ICAM1: variants seen among roughly 807,000 people sequenced by gnomAD.
ICAM1 encodes ICAM-1.
In ICAM1, 28 loss-of-function variants were observed where a neutral mutation model predicts 42.3. The ratio of observed to expected loss-of-function variants is 0.66; its 90% confidence interval spans 0.49 to 0.91. The LOEUF (loss-of-function observed/expected upper bound fraction) is 0.91, where lower values mean the gene tolerates loss of function less well. Among genes scored for constraint, ICAM1 ranks in the 40% least tolerant of loss-of-function variants. The pLI is 0.00. For missense variants in ICAM1, 637 were observed against 688.6 expected, an observed-to-expected ratio of 0.93 and a Z score of 0.84; for synonymous variants, 304 against 305.9, an observed-to-expected ratio of 0.99 and a Z score of 0.07.
intron 2 of ICAM1, among the ~76,000 whole-genome samples, chr19:10,276,193 A>T (rs916935947): frequency 6.6e-6 from 1 of 151,972 alleles, no homozygotes; most frequent in African/African-American, 2.4e-5. Context: ...AAAAAAAAAA[A>T]AAAAGATATG....
chr19:10,283,365 T>G, intron 2 of ICAM1, 116 bp from the exon 3 acceptor site: 4 of 979,304 alleles, frequency 4.1e-6, no homozygotes, highest in Non-Finnish European at 6.0e-6. Flanking sequence ...CTTAGGTGTC[T>G]GGGCGTGTTT....
intron 2 of ICAM1, among the ~76,000 whole-genome samples, chr19:10,279,982 C>G (rs281432): frequency 0.52 from 78,859 of 151,894 alleles, 21,440 homozygotes; most frequent in African/African-American, 0.7. Context: ...TGGAGGGTTT[C>G]TGAGCAGGCC....
Position 10,284,720 on chromosome 19 carries a change from T to A in ICAM1, c.1180+63T>A. 1 of 1,610,154 alleles carries A rather than the reference T, an allele frequency of 6.2e-7. No individual in the cohort carries two copies. The highest frequency in any genetic ancestry group is 8.5e-7 in the Non-Finnish European group (1 of 1,178,884). On this transcript the variant is annotated intron_variant, in intron 5 of 6. Coordinates refer to ENST00000264832, the MANE Select transcript of ICAM1 (RefSeq NM_000201.3). The surrounding 1 kb of genome is among the most constrained non-coding windows in gnomAD (Gnocchi z 5.4). Reference sequence around the variant, plus strand: ...AGGCCCAATCTCCCTGAAGGTCCCATAAGGTCTTGCCTCCAAGTCCTGCCC... The same window carrying A: ...AGGCCCAATCTCCCTGAAGGTCCCAAAAGGTCTTGCCTCCAAGTCCTGCCC...
At chr19:10,272,211 C>T (rs2039986628) in intron 1 of ICAM1, among the ~76,000 whole-genome samples, 1 of 152,092 alleles carries the variant, frequency 6.6e-6, no homozygotes, top group Non-Finnish European at 1.5e-5. Context: ...CTTAAGCCCA[C>T]GAGGCTGAGG....
chr19:10,273,751 C>T (rs1163028131), intron 1 of ICAM1, among the ~76,000 whole-genome samples: 3 of 151,120 alleles, frequency 2.0e-5, no homozygotes, highest in African/African-American at 7.3e-5. Context: ...TGGTGGTTCA[C>T]GCCTGTAATC....
chr19:10,276,103 A>G (rs1172059453), intron 2 of ICAM1, among the ~76,000 whole-genome samples: 1 of 151,622 alleles, frequency 6.6e-6, no homozygotes, highest in African/African-American at 2.4e-5. Context: ...CTGTGATGGG[A>G]GGATTGCTTT....
chr19:10,277,438 CA>C (rs2040025615), intron 2 of ICAM1, among the ~76,000 whole-genome samples: 1 of 151,944 alleles, frequency 6.6e-6, no homozygotes. Context: ...CTCGGCCTCC[CA>C]AAGTGCTGGG....
chr19:10,280,865 G>A (rs1170723787), intron 2 of ICAM1, among the ~76,000 whole-genome samples: 20 of 122,984 alleles, frequency 1.6e-4, no homozygotes, highest in Non-Finnish European at 3.0e-4. Context: ...CACCGTGCCC[G>A]GCCTTTTTTT....
chr19:10,285,578 A>G lies in ICAM1; in HGVS notation c.*291A>G, dbSNP rs774302233. 5.3e-4 allele frequency: 196 copies of G among 369,688 alleles called. 4 individuals carry two copies. Among genetic ancestry groups the G allele is most frequent in the Non-Finnish European group, 1.3e-4 (26 of 201,632 alleles). 22.9% of individuals were successfully genotyped at this position (369,688 alleles called of 1,614,324 possible). A position where few individuals can be genotyped will look rare whatever the true frequency, so the allele number is the denominator to read the frequency against. On this transcript the variant is annotated 3_prime_UTR_variant, in exon 7 of 7. Coordinates refer to ENST00000264832, the MANE Select transcript of ICAM1 (RefSeq NM_000201.3). Reference sequence around the variant, plus strand: ...TAAAGTCTAGCCTGATGAGAGGGGAAGTGGTGGGGGAGACATAGCCCCACC... The same window carrying G: ...TAAAGTCTAGCCTGATGAGAGGGGAGGTGGTGGGGGAGACATAGCCCCACC...
intron 1 of ICAM1, among the ~76,000 whole-genome samples, chr19:10,272,421 C>T (rs2039987920): frequency 6.6e-6 from 1 of 152,248 alleles, no homozygotes; most frequent in East Asian, 1.9e-4. Context: ...CCTCACACCC[C>T]CATCCAAGAT....
At chr19:10,278,741 C>T (rs952040866) in intron 2 of ICAM1, among the ~76,000 whole-genome samples, 6 of 151,742 alleles carry the variant, frequency 4.0e-5, no homozygotes, top group African/African-American at 1.5e-4. Context: ...AGGGTTTCGC[C>T]AAGTTGGCCA....
At position 10,274,904 on chromosome 19, in the gene ICAM1, G is replaced by A. The variant is rs371538999; in HGVS notation, c.207G>A (p.Leu69=). ...GIETPLPKKE[L]LLPGNNRKVY... is the part of the protein sequence containing the mutation. ...AGACCCCGTTGCCTAAAAAGGAGTT[G>A]CTCCTGCCTGGGAACAACCGGAAGG... is the stretch of plus-strand genomic sequence containing the variant. Residue 69 remains leucine (L), a synonymous_variant, in exon 2 of 7, where the codon TTG becomes TTA. Transcript: ENST00000264832. The A allele has an allele frequency of 3.7e-6, 6 of 1,614,108 alleles. No individual in the cohort carries two copies. Among genetic ancestry groups the A allele is most frequent in the Non-Finnish European group, 5.1e-6 (6 of 1,180,042 alleles).
In ICAM1 at chr19:10,285,268, C is replaced by T; in HGVS notation, c.1580C>T (p.Thr527Ile). Residue 527 changes from threonine to isoleucine, a missense_variant, in exon 7 of 7, where the codon ACA (threonine) becomes ATA (isoleucine). Physicochemically the swap from Thr to Ile is moderately conservative, Grantham distance 89 (BLOSUM62 -1). Transcript: ENST00000264832. ...AAAGGGACCCCCATGAAACCGAACA[C>T]ACAAGCCACGCCTCCCTGAACCTAT... ...AQKGTPMKPNTQATPP is the reference protein window; with the variant it reads ...AQKGTPMKPNIQATPP 1 of 1,614,070 alleles carries T rather than the reference C, an allele frequency of 6.2e-7. No homozygotes were observed. The highest frequency in any genetic ancestry group is 8.5e-7 in the Non-Finnish European group (1 of 1,179,950).
chr19:10,274,238 C>G (rs578005971), intron 1 of ICAM1, among the ~76,000 whole-genome samples: 87 of 151,976 alleles, frequency 5.7e-4, no homozygotes, highest in African/African-American at 2.0e-3. Flanking sequence ...AAAGCACTGT[C>G]TATTCTATCA....
At chr19:10,277,749 G>C (rs2040027932) in intron 2 of ICAM1, among the ~76,000 whole-genome samples, 2 of 152,190 alleles carry the variant, frequency 1.3e-5, no homozygotes, top group Admixed American at 6.5e-5. Flanking sequence ...GCCTCCCAAA[G>C]TGCTGGGATT....
intron 6 of ICAM1, 39 bp downstream of exon 6, chr19:10,285,067 G>A (rs377286919): frequency 9.9e-6 from 16 of 1,613,488 alleles, no homozygotes; most frequent in Admixed American, 1.7e-5. Context: ...GGGGGCAGGG[G>A]CCATGGACCT....
Position 10,275,021 on chromosome 19 carries a change from C to T in ICAM1, c.324C>T (p.Thr108=), listed in dbSNP as rs749879920. Residue 108 remains threonine (T), a synonymous_variant, in exon 2 of 7, where the codon ACC becomes ACT. Coordinates refer to ENST00000264832, the MANE Select transcript of ICAM1 (RefSeq NM_000201.3). ...AGTCAACAGCTAAAACCTTCCTCAC[C>T]GTGTACTGTGAGTAACTGAGCCCGG... ...DGQSTAKTFL[T]VYWTPERVEL... 18 of 1,613,514 alleles carry T rather than the reference C, an allele frequency of 1.1e-5. No individual in the cohort carries two copies. The highest frequency in any genetic ancestry group is 1.7e-4 in the Middle Eastern group (1 of 6,052).
intron 2 of ICAM1, among the ~76,000 whole-genome samples, chr19:10,282,809 TCGA>T (rs901573382): frequency 2.6e-5 from 4 of 151,996 alleles, no homozygotes; most frequent in African/African-American, 9.7e-5. Context: ...GGTCAGGAAT[TCGA>T]GACCAGCCTG....
In ICAM1 at chr19:10,284,506, T is replaced by A. The variant is rs754190930; in HGVS notation, c.1029T>A (p.Asn343Lys). 4 of 1,614,042 alleles carry A rather than the reference T, an allele frequency of 2.5e-6. No individual in the cohort carries two copies. The South Asian group carries it at 4.4e-5, about 18-fold the overall frequency. ...EAHPRAKVTL[N>K]GVPAQPLGPR... ...ACCCTAGAGCCAAGGTGACGCTGAA[T>A]GGGGTTCCAGCCCAGCCACTGGGCC... Residue 343 changes from asparagine (N) to lysine (K), a missense_variant, in exon 5 of 7, where the codon AAT (asparagine) becomes AAA (lysine). Physicochemically the swap from Asn to Lys is moderately conservative, Grantham distance 94 (BLOSUM62 0). Transcript: ENST00000264832. The surrounding 1 kb of genome is among the most constrained non-coding windows in gnomAD (Gnocchi z 5.4).
Sources: allele counts gnomAD v4.1 joint callset (sites outside exome capture counted in the v4.1 genomes callset), GRCh38; gene constraint gnomAD v4.1.1; non-coding constraint Gnocchi (gnomAD v3.1); transcripts MANE v1.5; gene names NCBI Gene and HGNC (gene_info 2026-07-23, HGNC 2026-07-21).